SLC17A5: variants seen among roughly 807,000 people sequenced by gnomAD.
SLC17A5 encodes the protein solute carrier family 17 member 5.
In SLC17A5, 47 loss-of-function variants were observed where a neutral mutation model predicts 59.4. The ratio of observed to expected loss-of-function variants is 0.79; its 90% CI spans 0.63 to 1.01. SLC17A5 has a LOEUF of 1.01. Among genes scored for constraint, SLC17A5 ranks in the 50% least tolerant of loss-of-function variants. SLC17A5 has a pLI of 0.00. For synonymous variants in SLC17A5, 202 were observed against 210.7 expected (o/e 0.96, Z 0.36); for missense variants, 522 against 595.5 (o/e 0.88, Z 1.28).
At chr6:73,645,789 CAAA>C (rs58205870) in intron 1 of SLC17A5, among the ~76,000 whole-genome samples, 19,348 of 74,646 alleles carry the variant, frequency 0.26, 669 homozygotes, top group Non-Finnish European at 0.31. Context: ...GACTCCGTCT[CAAA>C]AAAAAAAAAA....
At chr6:73,653,764 C>A in intron 1 of SLC17A5, 29 bp downstream of exon 1, 1 of 1,549,984 alleles carries the variant, frequency 6.5e-7, no homozygotes, top group Non-Finnish European at 8.7e-7. Flanking sequence ...GCTGCCCACT[C>A]GAAGCCCCTG....
chr6:73,619,141 A>G (rs978307389), intron 7 of SLC17A5, among the ~76,000 whole-genome samples: 1 of 152,108 alleles, frequency 6.6e-6, no homozygotes, highest in African/African-American at 2.4e-5. Context: ...AAGACACTCA[A>G]CATTTATTAA....
chr6:73,653,737 C>T, intron 1 of SLC17A5, 56 bp downstream of exon 1: 2 of 1,492,488 alleles, frequency 1.3e-6, no homozygotes, highest in Non-Finnish European at 9.1e-7. Flanking sequence ...GGCCCAGAGA[C>T]CGCCGCCCCC....
At chr6:73,650,373 G>C (rs1415251412) in intron 1 of SLC17A5, among the ~76,000 whole-genome samples, 1 of 151,332 alleles carries the variant, frequency 6.6e-6, no homozygotes, top group African/African-American at 2.4e-5. Flanking sequence ...GCCGGGCGTG[G>C]TGGCGGGTGC....
At chr6:73,622,039 T>A in intron 6 of SLC17A5, 77 bp from the exon 7 acceptor site, 1 of 1,408,342 alleles carries the variant, frequency 7.1e-7, no homozygotes. Context: ...GCTAAAACTC[T>A]ATCCAGAATT....
chr6:73,620,434 A>G (rs568419640), intron 7 of SLC17A5, among the ~76,000 whole-genome samples: 1 of 152,350 alleles, frequency 6.6e-6, no homozygotes, highest in South Asian at 2.1e-4. Context: ...GGGAAAAATA[A>G]GATTGCTCAC....
chr6:73,613,370 A>C (rs1767714755), intron 8 of SLC17A5, among the ~76,000 whole-genome samples: 1 of 123,698 alleles, frequency 8.1e-6, no homozygotes, highest in Non-Finnish European at 1.7e-5. Context: ...ATCTTTTATA[A>C]ATTTTTTTTT....
chr6:73,596,359 G>A (rs998228853), intron 10 of SLC17A5, among the ~76,000 whole-genome samples: 1 of 152,160 alleles, frequency 6.6e-6, no homozygotes, highest in Non-Finnish European at 1.5e-5. Flanking sequence ...GGCCTGGCAA[G>A]TATAAAAGAT....
At chr6:73,614,202 G>A (rs1767749389) in intron 8 of SLC17A5, among the ~76,000 whole-genome samples, 1 of 152,170 alleles carries the variant, frequency 6.6e-6, no homozygotes, top group South Asian at 2.1e-4. Flanking sequence ...AGGAGGTTGA[G>A]GCTGCAGTGA....
chr6:73,616,046 T>G, intron 7 of SLC17A5, among the ~76,000 whole-genome samples: 1 of 151,918 alleles, frequency 6.6e-6, no homozygotes, highest in Non-Finnish European at 1.5e-5. Context: ...CTACCACACC[T>G]GGCTAATTTT....
At chr6:73,601,836 G>A (rs1255307819) in intron 9 of SLC17A5, among the ~76,000 whole-genome samples, 1 of 149,012 alleles carries the variant, frequency 6.7e-6, no homozygotes, top group Non-Finnish European at 1.5e-5. Flanking sequence ...CCCCCTGCCC[G>A]GCCAGCCGCC....
At chr6:73,630,823 G>C (rs1768667506) in intron 6 of SLC17A5, among the ~76,000 whole-genome samples, 1 of 152,226 alleles carries the variant, frequency 6.6e-6, no homozygotes, top group African/African-American at 2.4e-5. Flanking sequence ...AAGGCGGGCG[G>C]ATCACCTGAG....
intron 9 of SLC17A5, among the ~76,000 whole-genome samples, chr6:73,607,775 A>ATTTTTT (rs10716332): frequency 7.7e-6 from 1 of 130,462 alleles, no homozygotes; most frequent in Admixed American, 8.1e-5. Context: ...GTTCCTTATA[A>ATTTTTT]TTTTTTTTTT....
At chr6:73,607,937 C>A (rs1209029832) in intron 9 of SLC17A5, among the ~76,000 whole-genome samples, 1 of 151,766 alleles carries the variant, frequency 6.6e-6, no homozygotes, top group Non-Finnish European at 1.5e-5. Flanking sequence ...CCATCACACC[C>A]TGCTAATTTT....
intron 1 of SLC17A5, chr6:73,653,280 G>T: frequency 1.0e-6 from 1 of 985,410 alleles, no homozygotes; most frequent in Non-Finnish European, 1.2e-6. Context: ...TCACATGCTG[G>T]CGGATACGCA....
rs142597531 is a variant in SLC17A5, at chr6:73,649,485, A to C, written c.94+4308T>G. 2.5e-4 allele frequency among the ~76,000 whole-genome samples: 38 copies of C among 152,168 alleles called. 1 individual carries two copies. The East Asian group carries it at 7.4e-3, about 30-fold the overall frequency. On this transcript the variant is annotated intron_variant, in intron 1 of 10. Coordinates refer to ENST00000355773, the MANE Select transcript of SLC17A5 (RefSeq NM_012434.5). ...CTGGTTGTGGTGTTGTGCACCTGTA[A>C]TCCCAGCTACCTGGGAGGCTGAGGT...
chr6:73,600,370 G>T lies in SLC17A5; in HGVS notation c.1331C>A (p.Ala444Asp), dbSNP rs1433975993. 1 of 1,613,822 alleles carries T rather than the reference G, an allele frequency of 6.2e-7. No homozygotes were observed. The highest frequency in any genetic ancestry group is 8.5e-7 in the Non-Finnish European group (1 of 1,179,770). The change falls in exon 10 of 11, where the codon GCT becomes GAT. Residue 444 changes from alanine (A) to aspartate (D), a missense_variant. This residue lies in a region of SLC17A5 where 153 missense variants were observed against 168.5 expected (regional missense o/e 0.91). Coordinates refer to ENST00000355773, the MANE Select transcript of SLC17A5 (RefSeq NM_012434.5). ...TIPGMVGPVIAKSLTPDNTVG... is the reference protein window; with the variant it reads ...TIPGMVGPVIDKSLTPDNTVG... Reference sequence around the variant, plus strand: ...ACTTACATCAGGGGTCAGACTTTTAGCAATGACGGGCCCAACCATTCCTGG... The same window carrying T: ...ACTTACATCAGGGGTCAGACTTTTATCAATGACGGGCCCAACCATTCCTGG...
At position 73,635,340 on chromosome 6, in the gene SLC17A5, A is replaced by C. The variant is rs770478148; in HGVS notation, c.819+42T>G. 6 of 1,111,726 alleles carry C rather than the reference A, an allele frequency of 5.4e-6. No homozygotes were observed. The African/African-American group carries it at 7.7e-5, about 14-fold the overall frequency. The allele number at this position is 1,111,726 out of a possible 1,614,324, so 68.9% of individuals were successfully genotyped here. ...ACTGATATCTTAATTCTGAAGAAAA[A>C]AAGTTTCTGACATTATTTTTAAAAT... On this transcript the variant is annotated intron_variant, in intron 6 of 10. Coordinates refer to ENST00000355773, the MANE Select transcript of SLC17A5 (RefSeq NM_012434.5).
At chr6:73,636,139 TC>T (rs1419843583) in intron 5 of SLC17A5, among the ~76,000 whole-genome samples, 5 of 152,336 alleles carry the variant, frequency 3.3e-5, no homozygotes, top group African/African-American at 1.2e-4. Flanking sequence ...TCCAAAGGTG[TC>T]TGTTTTTGTT....
Sources: allele counts gnomAD v4.1 joint callset (sites outside exome capture counted in the v4.1 genomes callset), GRCh38; gene constraint gnomAD v4.1.1; regional missense constraint gnomAD v4.1.1; transcripts MANE v1.5; gene names NCBI Gene and HGNC (gene_info 2026-07-23, HGNC 2026-07-21).